ZNF875: variants seen among roughly 807,000 people sequenced by gnomAD.
ZNF875 encodes the protein zinc finger protein 875, also known as HKR1, GLI-Kruppel zinc finger family member.
Under a neutral mutation model 11.2 loss-of-function variants are expected in ZNF875, and 14 were observed. That is an observed-to-expected ratio of 1.26 (90% CI 0.83 to 1.96). ZNF875 has a LOEUF of 1.96. Among genes scored for constraint, ZNF875 ranks in the 30% most tolerant of loss-of-function variants. ZNF875 has a pLI of 0.00. For missense variants in ZNF875, 752 were observed against 760.4 expected (o/e 0.99, Z 0.13); for synonymous variants, 301 against 281.1 (o/e 1.07, Z -0.71).
At chr19:37,325,842 G>A (rs2032345366) in intron 4 of ZNF875, among the ~76,000 whole-genome samples, 2 of 152,040 alleles carry the variant, frequency 1.3e-5, no homozygotes, top group African/African-American at 4.8e-5. Context: ...CAAGTAGCTG[G>A]GACCACAAAC....
chr19:37,347,014 T>C (rs373482842), intron 2 of ZNF875, 176 bp from the exon 3 acceptor site: 2 of 645,604 alleles, frequency 3.1e-6, no homozygotes, highest in Admixed American at 2.9e-5. Context: ...ACGGGGTTTC[T>C]CCATATTGGT....
chr19:37,313,565 C>T (rs2030053152), upstream of ZNF875, among the ~76,000 whole-genome samples: 1 of 152,076 alleles, frequency 6.6e-6, no homozygotes, highest in East Asian at 1.9e-4. Flanking sequence ...TTCCATGGAC[C>T]TCATCACTAT....
At chr19:37,333,878 A>G (rs185505200), upstream of ZNF875, among the ~76,000 whole-genome samples, 54 of 152,128 alleles carry the variant, frequency 3.5e-4, no homozygotes, top group African/African-American at 9.6e-4. Context: ...GTTGAACAAA[A>G]CGGTCAGACT....
At chr19:37,351,302 C>T (rs1032940768) in intron 4 of ZNF875, among the ~76,000 whole-genome samples, 23 of 152,018 alleles carry the variant, frequency 1.5e-4, no homozygotes, top group African/African-American at 4.8e-4. Flanking sequence ...TCTTTCATTC[C>T]CCATATTGTG....
chr19:37,318,916 TTAGTAG>T (rs2030678314), intron 1 of ZNF875, among the ~76,000 whole-genome samples: 1 of 152,296 alleles, frequency 6.6e-6, no homozygotes, highest in Admixed American at 6.5e-5. Context: ...TTTTGATATC[TTAGTAG>T]TAGTATTTTC....
chr19:37,362,006 G>A lies in ZNF875; in HGVS notation c.257-103G>A, dbSNP rs977361268. The A allele has an allele frequency of 1.4e-5, 10 of 703,752 alleles. No homozygotes were observed. The African/African-American group carries it at 1.8e-4, about 13-fold the overall frequency. The allele number at this position is 703,752 out of a possible 1,614,324, so 43.6% of individuals were successfully genotyped here. A position where few individuals can be genotyped will look rare whatever the true frequency, so the allele number is the denominator to read the frequency against. On this transcript the variant is annotated intron_variant, in intron 4 of 4. Transcript: ENST00000392153. ...AGGATGTCTAACTGGGAGATAGCTT[G>A]TGATGTAAATATGTAAATATATTAT...
chr19:37,319,044 T>A (rs1229743779), intron 1 of ZNF875, among the ~76,000 whole-genome samples: 1 of 151,474 alleles, frequency 6.6e-6, no homozygotes, highest in African/African-American at 2.4e-5. Context: ...TAATGCTGGT[T>A]TAGATTTTTT....
rs2036975625 is a variant in ZNF875, at chr19:37,347,243, G to A, written c.87G>A (p.Arg29=). The A allele has an allele frequency of 1.9e-6, 3 of 1,614,156 alleles. No individual in the cohort carries two copies. The highest frequency in any genetic ancestry group is 2.5e-6 in the Non-Finnish European group (3 of 1,180,006). The change falls in exon 3 of 5, where the codon AGG becomes AGA. Residue 29 remains arginine, a synonymous_variant. Coordinates refer to ENST00000392153, the MANE Select transcript of ZNF875 (RefSeq NM_001353803.2). ...TGTACTTCACCCAGGAGGAGTGGAG[G>A]TTGTTGAGCCCTGCTCAGAGGACCC... The part of the protein sequence containing the change: ...VAVYFTQEEW[R]LLSPAQRTLH...
At chr19:37,331,517 C>T (rs972997382), upstream of ZNF875, among the ~76,000 whole-genome samples, 5 of 150,422 alleles carry the variant, frequency 3.3e-5, no homozygotes, top group Admixed American at 6.7e-5. Context: ...AATCTATAAC[C>T]TTACCCCCAA....
intron 4 of ZNF875, chr19:37,358,133 CTTTTT>C: frequency 8.4e-4 from 71 of 84,580 alleles, no homozygotes; most frequent in East Asian, 3.0e-3. Context: ...TTAAGATGAT[CTTTTT>C]TTTTTTTTTT....
In ZNF875 at chr19:37,350,191, A is replaced by G. The variant is rs1424654521; in HGVS notation, c.256+2319A>G. On this transcript the variant is annotated intron_variant, in intron 4 of 4. Coordinates refer to ENST00000392153, the MANE Select transcript of ZNF875 (RefSeq NM_001353803.2). ...CAAAGGCGCAATCTCGGCTCACTGCAACCTCCGCCTATCAGGTTCAAGCAA... is the reference window on the plus strand; with the variant it reads ...CAAAGGCGCAATCTCGGCTCACTGCGACCTCCGCCTATCAGGTTCAAGCAA... 2.8e-5 allele frequency among the ~76,000 whole-genome samples: 4 copies of G among 142,032 alleles called. No individual in the cohort carries two copies. In the East Asian group the frequency reaches 6.4e-4, roughly 23 times the overall value. The allele number at this position is 142,032 out of a possible 152,430, so 93.2% of individuals were successfully genotyped here. A position where few individuals can be genotyped will look rare whatever the true frequency, so the allele number is the denominator to read the frequency against.
At position 37,363,811 on chromosome 19, in the gene ZNF875, T is replaced by G. The variant is rs367949116; in HGVS notation, c.*36T>G. 1,051 of 1,560,842 alleles carry G rather than the reference T, an allele frequency of 6.7e-4. No individual in the cohort carries two copies. The highest frequency in any genetic ancestry group is 2.0e-3 in the Admixed American group (118 of 58,310). ...TGTATAGGGAATGTGGTACAGCCTTTAGCCAGGAGTCATACTTCATCAGAC... is the reference window on the plus strand; with the variant it reads ...TGTATAGGGAATGTGGTACAGCCTTGAGCCAGGAGTCATACTTCATCAGAC... On this transcript the variant is annotated 3_prime_UTR_variant, in exon 5 of 5. Transcript: ENST00000392153.
chr19:37,355,590 T>C (rs1393257438), intron 4 of ZNF875, among the ~76,000 whole-genome samples: 1 of 152,184 alleles, frequency 6.6e-6, no homozygotes, highest in Non-Finnish European at 1.5e-5. Flanking sequence ...ATACAGTCAT[T>C]TTGCCTGTTA....
At chr19:37,335,617 G>T (rs748656502) in intron 2 of ZNF875, among the ~76,000 whole-genome samples, 2 of 152,194 alleles carry the variant, frequency 1.3e-5, no homozygotes, top group Admixed American at 1.3e-4. Flanking sequence ...AAGTTAGGGG[G>T]TGGTGATTGT....
intron 4 of ZNF875, among the ~76,000 whole-genome samples, chr19:37,324,523 T>C (rs1178101036): frequency 1.3e-5 from 2 of 152,304 alleles, no homozygotes; most frequent in East Asian, 3.9e-4. Flanking sequence ...CTTATAGGCT[T>C]CTTCTGTTTT....
chr19:37,362,398 A>T lies in ZNF875; in HGVS notation c.546A>T (p.Glu182Asp), dbSNP rs780344038. The T allele has an allele frequency of 1.9e-6, 3 of 1,614,054 alleles. No homozygotes were observed. The highest frequency in any genetic ancestry group is 1.7e-6 in the Non-Finnish European group (2 of 1,180,048). The change falls in exon 5 of 5, where the codon GAA (glutamate) becomes GAT (aspartate). Residue 182 changes from glutamate to aspartate, a missense_variant. Glu to Asp is a conservative substitution (Grantham distance 45). Coordinates refer to ENST00000392153, the MANE Select transcript of ZNF875 (RefSeq NM_001353803.2). ...GTSKALSSPP[E>D]EQQPAQSKED... ...CAAAGGCACTTTCCAGCCCACCTGAAGAACAACAGCCAGCACAGTCCAAGG... is the reference window on the plus strand; with the variant it reads ...CAAAGGCACTTTCCAGCCCACCTGATGAACAACAGCCAGCACAGTCCAAGG...
At chr19:37,347,425 A>G in intron 3 of ZNF875, 109 bp downstream of exon 3, 1 of 1,088,630 alleles carries the variant, frequency 9.2e-7, no homozygotes, top group Non-Finnish European at 1.3e-6. Flanking sequence ...TGAGCTTGAA[A>G]ACAATTTACT....
chr19:37,330,670 C>G (rs992216325), upstream of ZNF875, among the ~76,000 whole-genome samples: 1 of 152,148 alleles, frequency 6.6e-6, no homozygotes, highest in African/African-American at 2.4e-5. Flanking sequence ...AAGTTTTCCT[C>G]CAGCCATGGT....
chr19:37,348,539 T>G (rs2037266271), intron 4 of ZNF875, among the ~76,000 whole-genome samples: 1 of 152,244 alleles, frequency 6.6e-6, no homozygotes, highest in Admixed American at 6.5e-5. Context: ...TGTCATCATA[T>G]TATGTATGTA....
Sources: gnomAD v4.1 joint callset for allele counts (sites outside exome capture counted in the v4.1 genomes callset) on GRCh38, gnomAD v4.1.1 for gene constraint, MANE v1.5 for transcripts, NCBI Gene and HGNC (gene_info 2026-07-23, HGNC 2026-07-21) for gene names.